VWA5A: variants seen among roughly 807,000 people sequenced by gnomAD.
The protein encoded by VWA5A is von Willebrand factor A domain containing 5A, also known as von Willebrand factor A domain-containing protein 5A.
A neutral mutation model predicts 84.6 loss-of-function variants in VWA5A; 77 were observed. The ratio of observed to expected loss-of-function variants is 0.91; its 90% CI spans 0.76 to 1.10. The LOEUF (loss-of-function observed/expected upper bound fraction) is 1.10, where lower values mean the gene tolerates loss of function less well. VWA5A is among the 50% of genes least tolerant of loss of function. VWA5A has a pLI of 0.00. For synonymous variants in VWA5A, 334 were observed against 350.1 expected, an observed-to-expected ratio of 0.95 and a Z score of 0.51; for missense variants, 973 against 963.0, an observed-to-expected ratio of 1.01 and a Z score of -0.14.
chr11:124,144,997 C>T (rs1860793322), intron 17 of VWA5A, among the ~76,000 whole-genome samples: 1 of 152,098 alleles, frequency 6.6e-6, no homozygotes, highest in Admixed American at 6.5e-5. Context: ...TTTCCAGAAC[C>T]GTCCTGGTGG....
intron 2 of VWA5A, 180 bp from the exon 3 acceptor site, chr11:124,117,317 C>T (rs1198172016): frequency 1.6e-6 from 1 of 632,972 alleles, no homozygotes; most frequent in Non-Finnish European, 2.8e-6. Flanking sequence ...CTGGGACTGC[C>T]ATTTAAAAGG....
At position 124,117,764 on chromosome 11, in the gene VWA5A, T is replaced by C. The variant is rs1382138908; in HGVS notation, c.135T>C (p.Val45=). ...TGAACTACGAGAATGAGGAGAAAGT[T>C]CCTTTGGAGGCCTTCTTTGTGTTCC... ...ATLNYENEEK[V]PLEAFFVFPM... Residue 45 remains valine (V), a synonymous_variant, in exon 4 of 19, where the codon GTT becomes GTC. Coordinates refer to ENST00000456829, the MANE Select transcript of VWA5A (RefSeq NM_001130142.2). 6.2e-7 allele frequency: 1 copy of C among 1,614,098 alleles called. No homozygotes were observed.
At chr11:124,145,763 T>G in intron 18 of VWA5A, 103 bp from the exon 19 acceptor site, 1 of 1,196,066 alleles carries the variant, frequency 8.4e-7, no homozygotes, top group South Asian at 1.6e-5. Flanking sequence ...GCAGGGATAT[T>G]GAGGACAGAT....
rs555437148 is a variant in VWA5A at position 124,141,044 on chromosome 11, G to A, written c.1880-554G>A. 3.9e-5 allele frequency among the ~76,000 whole-genome samples: 6 copies of A among 152,322 alleles called. No homozygotes were observed. In the South Asian group the frequency reaches 1.0e-3, roughly 26 times the overall value. On this transcript the variant is annotated intron_variant, in intron 15 of 18. Transcript: ENST00000456829. ...TATTTTATAGGCTATCTACATGGGT[G>A]ATGAAATCTCAAGATGATGGTAGGC...
At position 124,118,738 on chromosome 11, in the gene VWA5A, A is replaced by G. The variant is rs140399251; in HGVS notation, c.645+30A>G. The G allele has an allele frequency of 9.0e-4, 1,443 of 1,597,078 alleles. 14 individuals are homozygous for G. In the African/African-American group the frequency reaches 0.018, roughly 20 times the overall value. On this transcript the variant is annotated intron_variant, in intron 6 of 18. Coordinates refer to ENST00000456829, the MANE Select transcript of VWA5A (RefSeq NM_001130142.2). Reference sequence around the variant, plus strand: ...TTAATGAGAGAATACTGCTATTGTCAGTACCTCTGTTGCTTGAGTCTTGAC... The same window carrying G: ...TTAATGAGAGAATACTGCTATTGTCGGTACCTCTGTTGCTTGAGTCTTGAC...
intron 7 of VWA5A, among the ~76,000 whole-genome samples, chr11:124,120,691 CCATG>C (rs1274716519): frequency 6.6e-6 from 1 of 152,192 alleles, no homozygotes; most frequent in African/African-American, 2.4e-5. Flanking sequence ...CCACGAAGCT[CCATG>C]CTCTGTCTTT....
chr11:124,139,225 TTGTGTGTGTGTGTG>T (rs113893702), intron 15 of VWA5A, among the ~76,000 whole-genome samples: 9 of 147,324 alleles, frequency 6.1e-5, no homozygotes, highest in African/African-American at 2.3e-4. Context: ...AGCATTTTGT[TTGTGTGTGTGTGTG>T]TGTGTGTGTG....
intron 17 of VWA5A, 108 bp from the exon 18 acceptor site, chr11:124,145,129 C>T: frequency 7.3e-7 from 1 of 1,377,868 alleles, no homozygotes; most frequent in Non-Finnish European, 9.7e-7. Context: ...GACCAGGTAA[C>T]TCCATCTAGT....
At chr11:124,125,928 T>C (rs1028107890) in intron 11 of VWA5A, among the ~76,000 whole-genome samples, 20 of 152,204 alleles carry the variant, frequency 1.3e-4, no homozygotes, top group African/African-American at 4.8e-4. Context: ...TCTTTCCCTA[T>C]CCAAAGTTTC....
At chr11:124,119,430 C>T (rs149151379) in intron 7 of VWA5A, among the ~76,000 whole-genome samples, 1,967 of 152,308 alleles carry the variant, frequency 0.013, 27 homozygotes, top group South Asian at 0.027. Context: ...AAATTATCAA[C>T]GATTTCCAAA....
intron 11 of VWA5A, among the ~76,000 whole-genome samples, chr11:124,129,597 T>C (rs1167471761): frequency 6.6e-6 from 1 of 152,192 alleles, no homozygotes; most frequent in Non-Finnish European, 1.5e-5. Flanking sequence ...CAGCTGTGAA[T>C]CCTCCTGGTC....
intron 11 of VWA5A, among the ~76,000 whole-genome samples, chr11:124,129,715 G>A (rs1241597902): frequency 1.3e-5 from 2 of 151,780 alleles, no homozygotes; most frequent in African/African-American, 2.4e-5. Context: ...TGGGGTGGGG[G>A]GTGTATGTGT....
chr11:124,139,830 A>G (rs1347478788), intron 15 of VWA5A, among the ~76,000 whole-genome samples: 3 of 152,304 alleles, frequency 2.0e-5, no homozygotes, highest in African/African-American at 7.2e-5. Context: ...GACTTCCAGT[A>G]CTATATTGAA....
chr11:124,140,405 CAG>C (rs1446496722), intron 15 of VWA5A, among the ~76,000 whole-genome samples: 2 of 152,050 alleles, frequency 1.3e-5, no homozygotes, highest in African/African-American at 4.8e-5. Flanking sequence ...TCAGGTAAAA[CAG>C]AAATCTCTAA....
chr11:124,122,949 T>C lies in VWA5A; in HGVS notation c.761-11T>C. 1 of 1,611,518 alleles carries C rather than the reference T, an allele frequency of 6.2e-7. No individual in the cohort carries two copies. ...TTTTTGTCTTACAGTGGCTTTATCC[T>C]TTCTGAACAGGTCATTTGATGGGAG... On this transcript the variant is annotated splice_polypyrimidine_tract_variant and intron_variant, in intron 7 of 18. Coordinates refer to ENST00000456829, the MANE Select transcript of VWA5A (RefSeq NM_001130142.2).
chr11:124,124,594 T>C (rs1340205223), intron 11 of VWA5A: 3 of 1,135,134 alleles, frequency 2.6e-6, no homozygotes, highest in East Asian at 5.8e-5. Context: ...ATAAACATTT[T>C]TAGAGAAGTA....
chr11:124,135,820 G>A (rs1445176939), intron 12 of VWA5A, among the ~76,000 whole-genome samples: 2 of 151,728 alleles, frequency 1.3e-5, no homozygotes, highest in East Asian at 1.9e-4. Context: ...GTGAGCCACC[G>A]CGCCCGGCCT....
In VWA5A at chr11:124,147,530, A is replaced by C. The variant is rs1051476757; in HGVS notation, c.*1585A>C. On this transcript the variant is annotated 3_prime_UTR_variant, in exon 19 of 19. Coordinates refer to ENST00000456829, the MANE Select transcript of VWA5A (RefSeq NM_001130142.2). The stretch of plus-strand genomic sequence containing the variant: ...CTCTAATCTCTCAGTCTTTCTTCCA[A>C]GTTTGTTTATGCTGAATGTGATCTG... 1 of 152,120 alleles carries C rather than the reference A, an allele frequency of 6.6e-6. No homozygotes were observed. Among genetic ancestry groups the C allele is most frequent in the African/African-American group, 2.4e-5 (1 of 41,424 alleles). The allele number at this position is 152,120 out of a possible 1,614,324, so 9.4% of individuals were successfully genotyped here. A position where few individuals can be genotyped will look rare whatever the true frequency, so the allele number is the denominator to read the frequency against.
At position 124,141,824 on chromosome 11, in the gene VWA5A, A is replaced by G. The variant is rs777583436; in HGVS notation, c.2023+83A>G. On this transcript the variant is annotated intron_variant, in intron 16 of 18. Coordinates refer to ENST00000456829, the MANE Select transcript of VWA5A (RefSeq NM_001130142.2). ...CTAGGCAAGCTAAAAGCTTGTAGTT[A>G]CAGCTATGACAAGAGATGCATGTTT... The G allele has an allele frequency of 9.9e-5, 150 of 1,509,142 alleles. 1 individual carries two copies. The highest frequency in any genetic ancestry group is 1.3e-4 in the Non-Finnish European group (149 of 1,117,684). The allele number at this position is 1,509,142 out of a possible 1,614,324, so 93.5% of individuals were successfully genotyped here.
Sources: allele counts gnomAD v4.1 joint callset (sites outside exome capture counted in the v4.1 genomes callset), GRCh38; gene constraint gnomAD v4.1.1; transcripts MANE v1.5; gene names NCBI Gene and HGNC (gene_info 2026-07-23, HGNC 2026-07-21).